The following FUT8 variants were observed in gnomAD, a reference collection of about 807,000 sequenced individuals.
The protein encoded by FUT8 is fucosyltransferase 8, also known as alpha-(1,6)-fucosyltransferase.
Under a neutral mutation model 71.3 loss-of-function variants are expected in FUT8, and 29 were observed. That is an observed-to-expected ratio of 0.41 (90% CI 0.30 to 0.55). The LOEUF (loss-of-function observed/expected upper bound fraction) is 0.55, where lower values mean the gene tolerates loss of function less well. FUT8 is among the 20% of genes least tolerant of loss of function. The pLI is 0.34. For missense variants in FUT8, 544 were observed against 702.1 expected (o/e 0.77, Z 2.55); for synonymous variants, 254 against 239.3 (o/e 1.06, Z -0.57).
At chr14:65,631,918 T>C (rs1890201593) in intron 6 of FUT8, among the ~76,000 whole-genome samples, 1 of 151,162 alleles carries the variant, frequency 6.6e-6, no homozygotes, top group Non-Finnish European at 1.5e-5. Context: ...CCTCATTAGC[T>C]TAGCTCCCAC....
chr14:65,548,097 T>A (rs2139991089), intron 2 of FUT8, among the ~76,000 whole-genome samples: 1 of 152,178 alleles, frequency 6.6e-6, no homozygotes. Flanking sequence ...GATGAGGATT[T>A]GTCTGATATT....
At chr14:65,553,381 CATAT>C (rs1412211724) in intron 2 of FUT8, among the ~76,000 whole-genome samples, 1 of 152,016 alleles carries the variant, frequency 6.6e-6, no homozygotes, top group African/African-American at 2.4e-5. Context: ...TTTACATCTA[CATAT>C]ATTATAAACC....
At chr14:65,633,626 C>T (rs1890344236) in intron 6 of FUT8, among the ~76,000 whole-genome samples, 1 of 150,782 alleles carries the variant, frequency 6.6e-6, no homozygotes, top group African/African-American at 2.4e-5. Context: ...GCGCCTCTGC[C>T]CCGCCGCCCC....
intron 2 of FUT8, among the ~76,000 whole-genome samples, chr14:65,556,333 A>G (rs565888073): frequency 2.6e-5 from 4 of 152,236 alleles, no homozygotes; most frequent in African/African-American, 7.2e-5. Flanking sequence ...GTGCATTTCT[A>G]AGCTTGCTCA....
chr14:65,542,033 T>A (rs2139964641), intron 2 of FUT8, among the ~76,000 whole-genome samples: 1 of 152,310 alleles, frequency 6.6e-6, no homozygotes, highest in South Asian at 2.1e-4. Context: ...CGTACCTTAA[T>A]TTTCTTCACT....
At chr14:65,492,106 A>T (rs1363752634) in intron 2 of FUT8, among the ~76,000 whole-genome samples, 1 of 152,228 alleles carries the variant, frequency 6.6e-6, no homozygotes, top group African/African-American at 2.4e-5. Context: ...TATGTCTTCA[A>T]TGTGCCTAAT....
At chr14:65,645,370 C>A (rs562473486) in intron 6 of FUT8, among the ~76,000 whole-genome samples, 1 of 152,062 alleles carries the variant, frequency 6.6e-6, no homozygotes, top group East Asian at 1.9e-4. Context: ...AGCTGCATAC[C>A]CTTTGATTGT....
At chr14:65,363,976 G>A in the FUT8 span, among the ~76,000 whole-genome samples, 1 of 152,192 alleles carries the variant, frequency 6.6e-6, no homozygotes, top group Non-Finnish European at 1.5e-5. Flanking sequence ...CTACAGTGGG[G>A]TCATTTTACA....
rs1185280280 is a variant in FUT8, at chr14:65,415,218, CTGTT to C, written c.-326+2007_-326+2010del. 2.6e-5 allele frequency among the ~76,000 whole-genome samples: 4 copies of C among 152,202 alleles called. No homozygotes were observed. In the East Asian group the frequency reaches 5.8e-4, roughly 22 times the overall value. On this transcript the variant is annotated intron_variant, in intron 1 of 10. Coordinates refer to ENST00000673929, the MANE Select transcript of FUT8 (RefSeq NM_001371533.1). ...GCCAAAGCAAAGTATAGCTTAATAG[CTGTT>C]TGAACTTTTAAAACACCCAAAACCA...
intron 2 of FUT8, among the ~76,000 whole-genome samples, chr14:65,553,949 A>G (rs1055124074): frequency 2.0e-5 from 3 of 150,982 alleles, no homozygotes; most frequent in Non-Finnish European, 4.4e-5. Flanking sequence ...TCATTTTTTT[A>G]CTTTGGAAAA....
chr14:65,618,043 A>ATG (rs1337076028), intron 5 of FUT8, among the ~76,000 whole-genome samples: 7 of 120,786 alleles, frequency 5.8e-5, no homozygotes, highest in South Asian at 2.6e-4. Flanking sequence ...ATATATATAT[A>ATG]TATATATATA....
chr14:65,587,913 T>A (rs1887480120), intron 3 of FUT8, among the ~76,000 whole-genome samples: 2 of 152,208 alleles, frequency 1.3e-5, no homozygotes, highest in Admixed American at 1.3e-4. Context: ...GTTTCCAAGT[T>A]GACAGCCCAC....
intron 3 of FUT8, among the ~76,000 whole-genome samples, chr14:65,593,181 T>A (rs947908782): frequency 6.6e-6 from 1 of 152,210 alleles, no homozygotes; most frequent in Non-Finnish European, 1.5e-5. Context: ...ATTATTTCCT[T>A]GAATCACTGT....
the FUT8 span, among the ~76,000 whole-genome samples, chr14:65,392,133 T>G: frequency 1.3e-5 from 2 of 152,072 alleles, no homozygotes; most frequent in Middle Eastern, 3.4e-3. Flanking sequence ...GGTTTCTCAA[T>G]GTTGGTCAGG....
intron 7 of FUT8, among the ~76,000 whole-genome samples, chr14:65,692,991 C>T (rs1023966710): frequency 1.3e-5 from 2 of 151,856 alleles, no homozygotes; most frequent in East Asian, 1.9e-4. Flanking sequence ...GATGGGATGG[C>T]GGCCGGGCAG....
At chr14:65,412,549 C>G (rs2065147980), upstream of FUT8, 2 of 352,694 alleles carry the variant, frequency 5.7e-6, no homozygotes, top group Non-Finnish European at 1.1e-5. Context: ...GGAACTGTGC[C>G]GTCCCGCTGT....
intron 9 of FUT8, among the ~76,000 whole-genome samples, chr14:65,729,216 G>C (rs960564257): frequency 6.6e-6 from 1 of 151,654 alleles, no homozygotes; most frequent in Admixed American, 6.6e-5. Context: ...AGACGGGATT[G>C]CATGTTGCTC....
intron 2 of FUT8, among the ~76,000 whole-genome samples, chr14:65,466,541 G>A (rs2066047002): frequency 6.6e-6 from 1 of 152,148 alleles, no homozygotes; most frequent in Non-Finnish European, 1.5e-5. Context: ...CCTGAGGTCA[G>A]GAGTTCGAGA....
At position 65,733,486 on chromosome 14, in the gene FUT8, C is replaced by T. The variant is rs1566922947; in HGVS notation, c.1410+105C>T. The stretch of plus-strand genomic sequence containing the variant: ...GTGTTGTTAATGTTCATTATTGTGA[C>T]TCAGGTGCAATTTTTCTGATACTCA... On this transcript the variant is annotated intron_variant, in intron 10 of 10. Coordinates refer to ENST00000673929, the MANE Select transcript of FUT8 (RefSeq NM_001371533.1). 9 of 797,954 alleles carry T rather than the reference C, an allele frequency of 1.1e-5. No homozygotes were observed. The East Asian group carries it at 2.6e-4, about 23-fold the overall frequency. 49.4% of individuals were successfully genotyped at this position (797,954 alleles called of 1,614,324 possible).
Sources: allele counts gnomAD v4.1 joint callset (sites outside exome capture counted in the v4.1 genomes callset), GRCh38; gene constraint gnomAD v4.1.1; transcripts MANE v1.5; gene names NCBI Gene and HGNC (gene_info 2026-07-23, HGNC 2026-07-21).